CUL4A: variants seen among roughly 807,000 people sequenced by gnomAD.
The protein encoded by CUL4A is cullin-4A.
A neutral mutation model predicts 95.5 loss-of-function variants in CUL4A; 16 were observed. The observed-to-expected ratio is 0.17, with a 90% CI of 0.11 to 0.25. CUL4A has a LOEUF of 0.25. Ranked by LOEUF, CUL4A falls within the 10% of genes least tolerant of loss-of-function variation. CUL4A has a pLI of 1.00. For synonymous variants in CUL4A, 380 were observed against 353.1 expected (o/e 1.08, Z -0.85); for missense variants, 610 against 937.0 (o/e 0.65, Z 4.56).
In CUL4A at chr13:113,260,609, T is replaced by G; in HGVS notation, c.2034T>G (p.Val678=). 2 of 1,600,052 alleles carry G rather than the reference T, an allele frequency of 1.2e-6. No homozygotes were observed. The highest frequency in any genetic ancestry group is 1.7e-6 in the Non-Finnish European group (2 of 1,176,666). ...KINQIQMKET[V]EEQVSTTERV... ...CTTTTTTTTTCTTTTTTATACAGGT[T>G]GAGGAACAGGTTAGCACCACTGAGA... The change falls in exon 19 of 20, where the codon GTT becomes GTG. Residue 678 remains valine (V), a splice_region_variant and synonymous_variant. Transcript: ENST00000375440.
intron 18 of CUL4A, among the ~76,000 whole-genome samples, chr13:113,257,071 T>A (rs776656574): frequency 5.9e-4 from 89 of 151,646 alleles, no homozygotes; most frequent in Admixed American, 3.4e-3. Context: ...ACTACAGGCA[T>A]GTGCCACCAC....
At chr13:113,245,260 A>ATT (rs1444828880) in intron 14 of CUL4A, 23 bp downstream of exon 14, 1 of 1,609,668 alleles carries the variant, frequency 6.2e-7, no homozygotes, top group Non-Finnish European at 8.5e-7. Flanking sequence ...TCTTAGGTAA[A>ATT]GCGGCTTTTT....
intron 9 of CUL4A, 26 bp downstream of exon 9, chr13:113,236,916 T>G: frequency 5.9e-6 from 9 of 1,516,234 alleles, no homozygotes; most frequent in African/African-American, 1.4e-5. Flanking sequence ...CTTGTGCAAA[T>G]TAAACTGAAC....
intron 11 of CUL4A, among the ~76,000 whole-genome samples, 180 bp downstream of exon 11, chr13:113,243,340 C>A (rs567752949): frequency 2.6e-5 from 4 of 152,046 alleles, no homozygotes; most frequent in African/African-American, 7.2e-5. Flanking sequence ...AACCGACACA[C>A]CTGCATGCAT....
chr13:113,256,281 G>A (rs1018187153), intron 18 of CUL4A, among the ~76,000 whole-genome samples: 5 of 152,154 alleles, frequency 3.3e-5, no homozygotes, highest in Non-Finnish European at 5.9e-5. Context: ...CACAGTGCCG[G>A]TTGTGTAGAC....
At chr13:113,244,728 C>A (rs1214247814) in intron 12 of CUL4A, among the ~76,000 whole-genome samples, 1 of 152,006 alleles carries the variant, frequency 6.6e-6, no homozygotes, top group African/African-American at 2.4e-5. Flanking sequence ...GTAGTCCCAC[C>A]TACTTGGGAG....
chr13:113,257,923 A>G (rs536801914), intron 18 of CUL4A, among the ~76,000 whole-genome samples: 1 of 152,194 alleles, frequency 6.6e-6, no homozygotes, highest in Non-Finnish European at 1.5e-5. Context: ...TATTTGAATT[A>G]TCACCTTATT....
At chr13:113,221,044 G>C (rs889285212) in intron 3 of CUL4A, among the ~76,000 whole-genome samples, 1 of 152,190 alleles carries the variant, frequency 6.6e-6, no homozygotes, top group Non-Finnish European at 1.5e-5. Flanking sequence ...TGAAGCATCT[G>C]GGGCAGAGCC....
Position 113,263,792 on chromosome 13 carries a change from T to C in CUL4A, c.*210T>C, listed in dbSNP as rs982492476. On this transcript the variant is annotated 3_prime_UTR_variant, in exon 20 of 20. Transcript: ENST00000375440. ...CCCTCCAGTTTTTCCTCTAGTTCTT[T>C]TAGGCATTTAAATTGTTTCTGTTAC... 3 of 400,582 alleles carry C rather than the reference T, an allele frequency of 7.5e-6. No individual in the cohort carries two copies. The highest frequency in any genetic ancestry group is 4.1e-5 in the African/African-American group (2 of 48,532). 24.8% of individuals were successfully genotyped at this position (400,582 alleles called of 1,614,324 possible).
Position 113,263,887 on chromosome 13 carries a change from T to C in CUL4A, c.*305T>C, listed in dbSNP as rs963229975. Reference sequence around the variant, plus strand: ...AGAGAAGTTCCTTTAAAAGGTCTTGTTCTTGTGTCAAAAAGCTGCAAGTTT... The same window carrying C: ...AGAGAAGTTCCTTTAAAAGGTCTTGCTCTTGTGTCAAAAAGCTGCAAGTTT... On this transcript the variant is annotated 3_prime_UTR_variant, in exon 20 of 20. Transcript: ENST00000375440. The C allele has an allele frequency of 4.4e-6, 1 of 227,786 alleles. No individual in the cohort carries two copies. Among genetic ancestry groups the C allele is most frequent in the African/African-American group, 2.3e-5 (1 of 44,182 alleles). The allele number at this position is 227,786 out of a possible 1,614,324, so 14.1% of individuals were successfully genotyped here. A position where few individuals can be genotyped will look rare whatever the true frequency, so the allele number is the denominator to read the frequency against.
chr13:113,231,653 A>T (rs189193356), intron 5 of CUL4A, among the ~76,000 whole-genome samples: 15 of 152,294 alleles, frequency 9.8e-5, no homozygotes, highest in African/African-American at 3.6e-4. Flanking sequence ...TTAACAGTTC[A>T]GGAAGGAAAG....
intron 2 of CUL4A, among the ~76,000 whole-genome samples, chr13:113,210,730 C>CGA (rs2040390055): frequency 6.6e-6 from 1 of 152,068 alleles, no homozygotes; most frequent in Non-Finnish European, 1.5e-5. Context: ...ATTCAGTAGT[C>CGA]TAATATCTAT....
chr13:113,224,164 A>G (rs1289914985), intron 3 of CUL4A, among the ~76,000 whole-genome samples: 1 of 152,218 alleles, frequency 6.6e-6, no homozygotes, highest in Non-Finnish European at 1.5e-5. Context: ...CATCCTGGCT[A>G]ACACGGTGAA....
At chr13:113,224,633 C>G (rs1357373931) in intron 3 of CUL4A, among the ~76,000 whole-genome samples, 1 of 152,244 alleles carries the variant, frequency 6.6e-6, no homozygotes, top group East Asian at 1.9e-4. Flanking sequence ...TTTGTCTTTC[C>G]TTAGAAAGAC....
intron 2 of CUL4A, among the ~76,000 whole-genome samples, chr13:113,215,191 CTAT>C (rs2040605942): frequency 7.0e-6 from 1 of 142,552 alleles, no homozygotes; most frequent in Non-Finnish European, 1.5e-5. Context: ...GTCCGTGTGG[CTAT>C]GGAGGTCTGT....
chr13:113,249,656 G>GT (rs2041945113), intron 15 of CUL4A, among the ~76,000 whole-genome samples: 2 of 152,366 alleles, frequency 1.3e-5, no homozygotes, highest in Admixed American at 6.5e-5. Context: ...GTAACTTGAA[G>GT]TTTAAGTTAC....
At position 113,244,938 on chromosome 13, in the gene CUL4A, G is replaced by A. The variant is rs780956468; in HGVS notation, c.1334-11G>A. The A allele has an allele frequency of 1.3e-6, 2 of 1,536,202 alleles. No homozygotes were observed. Among genetic ancestry groups the A allele is most frequent in the Non-Finnish European group, 1.8e-6 (2 of 1,109,010 alleles). ...CTGATGTCTTGATTATTCTCGTCTG[G>A]TTATAAATAGGTAAAGATGTCTTTG... On this transcript the variant is annotated splice_polypyrimidine_tract_variant and intron_variant, in intron 12 of 19. Coordinates refer to ENST00000375440, the MANE Select transcript of CUL4A (RefSeq NM_001008895.4).
chr13:113,208,825 G>A (rs961580943), upstream of CUL4A: 5 of 1,409,476 alleles, frequency 3.5e-6, no homozygotes, highest in African/African-American at 7.6e-5. Context: ...GGGTCTTTCT[G>A]CCGGGGCCCC....
chr13:113,233,148 T>C (rs1422773621), intron 5 of CUL4A, 29 bp from the exon 6 acceptor site: 4 of 1,597,326 alleles, frequency 2.5e-6, no homozygotes, highest in East Asian at 2.3e-5. Context: ...GAAACTAAAA[T>C]GTAGTCCTGT....
Sources: gnomAD v4.1 joint callset for allele counts (sites outside exome capture counted in the v4.1 genomes callset) on GRCh38, gnomAD v4.1.1 for gene constraint, MANE v1.5 for transcripts, NCBI Gene and HGNC (gene_info 2026-07-23, HGNC 2026-07-21) for gene names.